DOCK11: variants seen among roughly 807,000 people sequenced by gnomAD.
DOCK11 encodes dedicator of cytokinesis 11, also known as dedicator of cytokinesis protein 11.
A neutral mutation model predicts 169.1 loss-of-function variants in DOCK11; 70 were observed. The observed-to-expected ratio is 0.41, with a 90% CI of 0.34 to 0.51. The LOEUF (loss-of-function observed/expected upper bound fraction) is 0.51. Ranked by LOEUF, DOCK11 falls within the 20% of genes least tolerant of loss-of-function variation. The probability of loss-of-function intolerance (pLI) is 0.10; values close to 1 mark genes in which losing one functional copy is unlikely to be tolerated. For synonymous variants in DOCK11, 529 were observed against 541.3 expected, an observed-to-expected ratio of 0.98 and a Z score of 0.32; for missense variants, 1,166 against 1,538.8, an observed-to-expected ratio of 0.76 and a Z score of 4.05.
chrX:118,604,031 CT>C (rs2014419854), intron 23 of DOCK11, among the ~76,000 whole-genome samples: 1 of 111,833 alleles, frequency 8.9e-6, no homozygotes, highest in African/African-American at 3.3e-5. Flanking sequence ...TAGAGTTATT[CT>C]TTGTCCGTGA....
Position 118,680,465 on chromosome X carries a change from ACTTT to A in DOCK11, c.5461-13_5461-10del, listed in dbSNP as rs1243077577. 4.2e-6 allele frequency: 4 copies of A among 942,221 alleles called. No individual in the cohort carries two copies. The highest frequency in any genetic ancestry group is 5.6e-6 in the Non-Finnish European group (4 of 717,933). The allele number at this position is 942,221 out of a possible 1,213,427, so 77.6% of individuals were successfully genotyped here. A position where few individuals can be genotyped will look rare whatever the true frequency, so the allele number is the denominator to read the frequency against. On this transcript the variant is annotated splice_polypyrimidine_tract_variant and intron_variant, in intron 48 of 52. Transcript: ENST00000276202. Reference sequence around the variant, plus strand: ...AATAAAATAAAATAAATAAATAAAAACTTTCTTATTTTATAGGTAAATGCCAAAG... The same window carrying A: ...AATAAAATAAAATAAATAAATAAAAACTTATTTTATAGGTAAATGCCAAAG...
chrX:118,561,208 AT>A (rs1419059193), intron 6 of DOCK11, among the ~76,000 whole-genome samples, 174 bp from the exon 7 acceptor site: 1 of 112,103 alleles, frequency 8.9e-6, no homozygotes, highest in African/African-American at 3.2e-5. Context: ...TGTGATTTTC[AT>A]TCACTATCTT....
In DOCK11 at chrX:118,599,189, C is replaced by T. The variant is rs772467010; in HGVS notation, c.2523C>T (p.Gly841=). The change falls in exon 23 of 53, where the codon GGC becomes GGT. Residue 841 remains glycine (G), a synonymous_variant. Transcript: ENST00000276202. ...FFHHCQLIQS[G]SKEVPGELIK... ...ATCATTGCCAGCTGATTCAGTCAGG[C>T]TCGAAAGAAGTTCCAGGGGAGCTCA... 7 of 1,208,393 alleles carry T rather than the reference C, an allele frequency of 5.8e-6. No individual in the cohort carries two copies. The highest frequency in any genetic ancestry group is 2.2e-5 in the Admixed American group (1 of 45,632).
chrX:118,538,716 G>A, intron 1 of DOCK11: 1 of 739,852 alleles, frequency 1.4e-6, no homozygotes, highest in Non-Finnish European at 1.6e-6. Context: ...TATTGTAACG[G>A]GTTTTTGGAG....
chrX:118,678,443 C>G (rs1040547091), intron 48 of DOCK11, among the ~76,000 whole-genome samples: 3 of 111,423 alleles, frequency 2.7e-5, no homozygotes, highest in Non-Finnish European at 3.8e-5. Context: ...ATGAATCTAT[C>G]AAGATGTATA....
At chrX:118,505,980 C>T (rs2057608517) in intron 1 of DOCK11, among the ~76,000 whole-genome samples, 1 of 112,607 alleles carries the variant, frequency 8.9e-6, no homozygotes, top group African/African-American at 3.2e-5. Flanking sequence ...ATGCCAGGCA[C>T]GTTAGCCTAT....
At chrX:118,561,858 C>T (rs1465332255) in intron 7 of DOCK11, among the ~76,000 whole-genome samples, 1 of 110,619 alleles carries the variant, frequency 9.0e-6, no homozygotes, top group Non-Finnish European at 1.9e-5. Flanking sequence ...GAGCAAGACC[C>T]TGTCTACAAA....
intron 33 of DOCK11, 36 bp downstream of exon 33, chrX:118,627,615 G>A (rs745888272): frequency 9.8e-7 from 1 of 1,024,778 alleles, no homozygotes; most frequent in East Asian, 3.0e-5. Flanking sequence ...CATTGCGTGG[G>A]TGTTTAGACA....
intron 32 of DOCK11, among the ~76,000 whole-genome samples, chrX:118,625,258 G>C (rs1440733626): frequency 9.1e-6 from 1 of 109,630 alleles, no homozygotes; most frequent in Non-Finnish European, 1.9e-5. Context: ...GGGTTCAAGG[G>C]ATTCTCCTGC....
intron 1 of DOCK11, among the ~76,000 whole-genome samples, chrX:118,541,786 A>G (rs2147344907): frequency 8.9e-6 from 1 of 112,241 alleles, no homozygotes; most frequent in South Asian, 3.7e-4. Flanking sequence ...CTTTCTTAGC[A>G]TCACTGACCC....
At chrX:118,608,662 C>A (rs976292157) in intron 26 of DOCK11, among the ~76,000 whole-genome samples, 3 of 111,935 alleles carry the variant, frequency 2.7e-5, no homozygotes, top group African/African-American at 9.8e-5. Flanking sequence ...TTCTGAGCCT[C>A]CAAGTCCTCA....
rs1191968312 is a variant in DOCK11 at position 118,516,004 on chromosome X, A to AATATATAT, written c.102+19939_102+19946dup. Among the ~76,000 whole-genome samples the AATATATAT allele has an allele frequency of 1.1e-3, 50 of 44,946 alleles. 10 individuals carry two copies. Among genetic ancestry groups the AATATATAT allele is most frequent in the African/African-American group, 4.6e-3 (39 of 8,531 alleles). The allele number at this position is 44,946 out of a possible 115,157, so 39.0% of individuals were successfully genotyped here. A position where few individuals can be genotyped will look rare whatever the true frequency, so the allele number is the denominator to read the frequency against. On this transcript the variant is annotated intron_variant, in intron 1 of 52. Coordinates refer to ENST00000276202, the MANE Select transcript of DOCK11 (RefSeq NM_144658.4). ...ATGTTCAAAAGTAAGGATTTGGGCA[A>AATATATAT]ATATATATATATATACATTCTTACA...
At chrX:118,543,912 C>T (rs2012138138) in intron 4 of DOCK11, among the ~76,000 whole-genome samples, 1 of 111,646 alleles carries the variant, frequency 9.0e-6, no homozygotes, top group African/African-American at 3.3e-5. Context: ...ATCATGCCAT[C>T]ACACTCCAGC....
intron 40 of DOCK11, among the ~76,000 whole-genome samples, chrX:118,643,817 C>T (rs774893705): frequency 4.5e-5 from 5 of 111,911 alleles, no homozygotes; most frequent in Non-Finnish European, 9.4e-5. Flanking sequence ...TCATACCTTC[C>T]CTTTTCCATT....
Position 118,544,645 on chromosome X carries a change from C to CTTT in DOCK11, c.393-648_393-646dup, listed in dbSNP as rs1157804079. On this transcript the variant is annotated intron_variant, in intron 4 of 52. Transcript: ENST00000276202. ...TGCAAGAGCCAGAATTACACTGTTG[C>CTTT]TTTTTTTTTTTTTTTTTTTTTTTTT... 3.4e-3 allele frequency among the ~76,000 whole-genome samples: 79 copies of CTTT among 23,369 alleles called. 21 individuals are homozygous for CTTT. The highest frequency in any genetic ancestry group is 0.01 in the African/African-American group (57 of 5,549). 20.3% of individuals were successfully genotyped at this position (23,369 alleles called of 115,157 possible).
intron 36 of DOCK11, among the ~76,000 whole-genome samples, chrX:118,636,828 T>TACACACACACACAC (rs765702693): frequency 2.0e-5 from 2 of 100,551 alleles, no homozygotes; most frequent in African/African-American, 7.3e-5. Context: ...TATTTGTGTG[T>TACACACACACACAC]ACACACACAC....
At chrX:118,567,590 G>A (rs930304124) in intron 9 of DOCK11, among the ~76,000 whole-genome samples, 18 of 109,792 alleles carry the variant, frequency 1.6e-4, no homozygotes, top group African/African-American at 6.0e-4. Context: ...CCACCACCAC[G>A]CCCAGCTAAT....
chrX:118,617,316 C>T (rs893720565), intron 30 of DOCK11, among the ~76,000 whole-genome samples: 2 of 108,587 alleles, frequency 1.8e-5, no homozygotes, highest in Non-Finnish European at 3.8e-5. Flanking sequence ...ATGGTGAAAT[C>T]CCGTCTCTAC....
At chrX:118,645,863 A>G (rs2015645075) in intron 40 of DOCK11, among the ~76,000 whole-genome samples, 1 of 99,647 alleles carries the variant, frequency 1.0e-5, no homozygotes, top group African/African-American at 3.7e-5. Context: ...CTTGGCCAAC[A>G]TAGTGAAACC....
Sources: allele counts gnomAD v4.1 joint callset (sites outside exome capture counted in the v4.1 genomes callset), GRCh38; gene constraint gnomAD v4.1.1; transcripts MANE v1.5; gene names NCBI Gene and HGNC (gene_info 2026-07-23, HGNC 2026-07-21).